LAMA2: variants seen among roughly 807,000 people sequenced by gnomAD.
LAMA2 encodes laminin subunit alpha-2.
LAMA2 carries 269 observed loss-of-function variants against 364.8 expected under a neutral mutation model. The observed-to-expected ratio is 0.74, with a 90% CI of 0.67 to 0.82. LAMA2 has a LOEUF of 0.82. LAMA2 is among the 40% of genes least tolerant of loss of function. LAMA2 has a pLI of 0.00. For missense variants in LAMA2, 3,807 were observed against 3,873.2 expected, an observed-to-expected ratio of 0.98 and a Z score of 0.45; for synonymous variants, 1,379 against 1,370.6, an observed-to-expected ratio of 1.01 and a Z score of -0.14.
At chr6:128,888,104 T>G (rs2114374214) in intron 1 of LAMA2, among the ~76,000 whole-genome samples, 1 of 152,302 alleles carries the variant, frequency 6.6e-6, no homozygotes, top group Non-Finnish European at 1.5e-5. Context: ...TAAACAGGAA[T>G]TTAGGCAGAA....
At position 129,419,960 on chromosome 6, in the gene LAMA2, G is replaced by C. The variant is rs1312192739; in HGVS notation, c.5866-7792G>C. 2.0e-5 allele frequency among the ~76,000 whole-genome samples: 3 copies of C among 151,982 alleles called. No individual in the cohort carries two copies. In the East Asian group the frequency reaches 5.8e-4, roughly 29 times the overall value. On this transcript the variant is annotated intron_variant, in intron 40 of 64. Transcript: ENST00000421865. ...AAAGCACCTTAAAAATTGATGCATG[G>C]TGATTTTCTTATTTTAAAATTGTGT...
chr6:129,022,441 C>T (rs1420197488), intron 1 of LAMA2, among the ~76,000 whole-genome samples: 1 of 152,136 alleles, frequency 6.6e-6, no homozygotes, highest in Non-Finnish European at 1.5e-5. Flanking sequence ...CTCATTTACT[C>T]CGAAATTAAG....
intron 32 of LAMA2, among the ~76,000 whole-genome samples, chr6:129,357,110 A>G (rs1777192404): frequency 6.6e-6 from 1 of 152,090 alleles, no homozygotes; most frequent in South Asian, 2.1e-4. Context: ...TTCATAGTTC[A>G]CATGTCATTT....
intron 5 of LAMA2, among the ~76,000 whole-genome samples, chr6:129,144,913 G>A (rs1177855516): frequency 6.6e-6 from 1 of 151,978 alleles, no homozygotes; most frequent in Non-Finnish European, 1.5e-5. Flanking sequence ...AGATTGCTAT[G>A]AGTGATAACC....
At chr6:129,346,062 C>T (rs963614475) in intron 30 of LAMA2, among the ~76,000 whole-genome samples, 2 of 152,176 alleles carry the variant, frequency 1.3e-5, no homozygotes, top group African/African-American at 2.4e-5. Flanking sequence ...ATTTCCACGG[C>T]ATTAGTTCAA....
chr6:128,936,245 C>G (rs1779803402), intron 1 of LAMA2, among the ~76,000 whole-genome samples: 1 of 152,192 alleles, frequency 6.6e-6, no homozygotes, highest in Admixed American at 6.5e-5. Flanking sequence ...ATACAGCACC[C>G]TTATCTTATT....
chr6:129,040,591 T>C (rs1319354265), intron 1 of LAMA2, among the ~76,000 whole-genome samples: 5 of 152,176 alleles, frequency 3.3e-5, no homozygotes, highest in Non-Finnish European at 7.4e-5. Flanking sequence ...ATCATGCCAC[T>C]GCACTCCAGC....
chr6:129,061,775 C>T (rs1788937818), intron 3 of LAMA2, among the ~76,000 whole-genome samples: 1 of 152,090 alleles, frequency 6.6e-6, no homozygotes, highest in African/African-American at 2.4e-5. Flanking sequence ...TGTATATAAC[C>T]CAGGTCTACC....
chr6:128,937,596 T>C (rs1460471208), intron 1 of LAMA2, among the ~76,000 whole-genome samples: 1 of 152,134 alleles, frequency 6.6e-6, no homozygotes, highest in African/African-American at 2.4e-5. Flanking sequence ...GTATAATTGT[T>C]CATAGCAGTC....
chr6:129,051,543 C>T (rs934431121), intron 2 of LAMA2, among the ~76,000 whole-genome samples: 1 of 14,072 alleles, frequency 7.1e-5, no homozygotes, highest in African/African-American at 1.4e-4. Context: ...AACTCCTGAC[C>T]TCAAGTGATC....
intron 15 of LAMA2, among the ~76,000 whole-genome samples, chr6:129,265,387 A>G (rs1787434129): frequency 6.6e-6 from 1 of 152,202 alleles, no homozygotes; most frequent in Admixed American, 6.6e-5. Flanking sequence ...TTAAAACAAA[A>G]CAAAAAAACT....
intron 40 of LAMA2, among the ~76,000 whole-genome samples, chr6:129,405,574 G>A (rs929570573): frequency 4.6e-5 from 7 of 152,080 alleles, no homozygotes; most frequent in Admixed American, 3.3e-4. Context: ...ATAATTAAAT[G>A]TCTGAAAAAT....
chr6:128,983,257 T>C lies in LAMA2; in HGVS notation c.113-66661T>C, dbSNP rs563040589. Among the ~76,000 whole-genome samples the C allele has an allele frequency of 2.2e-3, 337 of 150,814 alleles. 6 individuals are homozygous for C. Among genetic ancestry groups the C allele is most frequent in the African/African-American group, 7.8e-3 (313 of 40,208 alleles). On this transcript the variant is annotated intron_variant, in intron 1 of 64. Coordinates refer to ENST00000421865, the MANE Select transcript of LAMA2 (RefSeq NM_000426.4). ...GTGTAAAAGTGTTCCTATTTCTCCATATCCTCTCCAGCCCCTGTTGTTTCC... is the reference window on the plus strand; with the variant it reads ...GTGTAAAAGTGTTCCTATTTCTCCACATCCTCTCCAGCCCCTGTTGTTTCC...
chr6:129,505,285 T>G lies in LAMA2; in HGVS notation c.8633T>G (p.Ile2878Ser), dbSNP rs886061057. The change falls in exon 61 of 65, where the codon ATC becomes AGC. Residue 2878 changes from isoleucine (I) to serine (S), a missense_variant. Ile to Ser is a moderately radical substitution (Grantham distance 142). Transcript: ENST00000421865. ...ACCATCAGTCCCAAAAAAGCCGACA[T>G]CCTGGATGTCGTGGGAATGCTGTAT... is the stretch of plus-strand genomic sequence containing the variant. ...NRTISPKKAD[I>S]LDVVGMLYVG... 1 of 1,613,976 alleles carries G rather than the reference T, an allele frequency of 6.2e-7. No individual in the cohort carries two copies. Among genetic ancestry groups the G allele is most frequent in the Non-Finnish European group, 8.5e-7 (1 of 1,179,850 alleles).
chr6:129,316,016 T>G, intron 26 of LAMA2, 22 bp from the exon 27 acceptor site: 1 of 1,614,066 alleles, frequency 6.2e-7, no homozygotes, highest in Non-Finnish European at 8.5e-7. Context: ...TTTGTCATAG[T>G]GATTTCTCTT....
At chr6:129,497,593 G>A (rs1174312403) in intron 58 of LAMA2, among the ~76,000 whole-genome samples, 2 of 152,192 alleles carry the variant, frequency 1.3e-5, no homozygotes, top group South Asian at 2.1e-4. Context: ...GTTAACTCCT[G>A]AAGTGAGAAC....
chr6:129,028,101 T>G (rs114234524), intron 1 of LAMA2, among the ~76,000 whole-genome samples: 1,712 of 151,930 alleles, frequency 0.011, 30 homozygotes, highest in African/African-American at 0.039. Flanking sequence ...AAATGTGAAT[T>G]TAAAACATAT....
intron 1 of LAMA2, among the ~76,000 whole-genome samples, chr6:128,931,991 T>TA (rs1779515513): frequency 6.6e-6 from 1 of 152,232 alleles, no homozygotes; most frequent in Non-Finnish European, 1.5e-5. Flanking sequence ...GCTGTATATG[T>TA]ATCAAAGTCC....
chr6:128,950,591 A>G (rs955419035), intron 1 of LAMA2, among the ~76,000 whole-genome samples: 5 of 152,166 alleles, frequency 3.3e-5, no homozygotes, highest in African/African-American at 1.2e-4. Flanking sequence ...GGTGGGTTCC[A>G]CATGGCCCAG....
Sources: gnomAD v4.1 joint callset for allele counts (sites outside exome capture counted in the v4.1 genomes callset) on GRCh38, gnomAD v4.1.1 for gene constraint, MANE v1.5 for transcripts, NCBI Gene and HGNC (gene_info 2026-07-23, HGNC 2026-07-21) for gene names.